TWNK: variants seen among roughly 807,000 people sequenced by gnomAD.
TWNK encodes T7 gp4-like protein with intramitochondrial nucleoid localization.
Under a neutral mutation model 58.2 loss-of-function variants are expected in TWNK, and 36 were observed. The ratio of observed to expected loss-of-function variants is 0.62; its 90% CI spans 0.47 to 0.82. The LOEUF (loss-of-function observed/expected upper bound fraction) is 0.82. Among genes scored for constraint, TWNK ranks in the 40% least tolerant of loss-of-function variants. The pLI, the probability that TWNK is intolerant of heterozygous loss-of-function variation, is 0.00. For synonymous variants in TWNK, 349 were observed against 348.5 expected (o/e 1.00, Z -0.02); for missense variants, 714 against 881.0 (o/e 0.81, Z 2.40).
rs1361679100 is a variant in TWNK at position 100,988,157 on chromosome 10, G to A, written c.-54G>A. On this transcript the variant is annotated 5_prime_UTR_variant, in exon 1 of 5. Transcript: ENST00000311916. This position sits in a 1 kb window ranked among gnomAD's most constrained non-coding sequence, Gnocchi z 5.2. The stretch of plus-strand genomic sequence containing the variant: ...CTAGAGTTTGGTCTAGTGAAGGCAC[G>A]CTAACCAGGCACCTAAGGCATTTCA... 6.2e-7 allele frequency: 1 copy of A among 1,604,674 alleles called. No individual in the cohort carries two copies. The highest frequency in any genetic ancestry group is 1.3e-5 in the African/African-American group (1 of 74,692).
intron 3 of TWNK, 89 bp downstream of exon 3, chr10:100,990,632 C>G: frequency 1.9e-6 from 3 of 1,610,244 alleles, no homozygotes. Flanking sequence ...GGCACACATG[C>G]TGTGCTCTCC....
At chr10:100,990,694 A>C in intron 3 of TWNK, 151 bp downstream of exon 3, 1 of 1,578,356 alleles carries the variant, frequency 6.3e-7, no homozygotes, top group Non-Finnish European at 8.7e-7. Context: ...TATCATATGG[A>C]GGTGTGGGGT....
chr10:100,992,840 G>A (rs1248013857), intron 4 of TWNK, among the ~76,000 whole-genome samples: 4 of 151,750 alleles, frequency 2.6e-5, no homozygotes, highest in Non-Finnish European at 5.9e-5. Context: ...AGGCTGGAGT[G>A]CAGTGGCACA....
Position 100,994,323 on chromosome 10 carries a change from T to C in TWNK, c.*813T>C, listed in dbSNP as rs910280709. 3.3e-5 allele frequency: 5 copies of C among 152,256 alleles called. No homozygotes were observed. The highest frequency in any genetic ancestry group is 7.3e-5 in the Non-Finnish European group (5 of 68,048). The allele number at this position is 152,256 out of a possible 1,614,324, so 9.4% of individuals were successfully genotyped here. ...GCCTGCCACCTAGACACTGATGCCA[T>C]TGTGTGCTGCCTCAAGACTGCTGGA... On this transcript the variant is annotated 3_prime_UTR_variant, in exon 5 of 5. Coordinates refer to ENST00000311916, the MANE Select transcript of TWNK (RefSeq NM_021830.5).
rs1451037596 is a variant in TWNK, at chr10:100,989,442, C to T, written c.1232C>T (p.Thr411Met). The T allele has an allele frequency of 1.9e-6, 3 of 1,613,802 alleles. No homozygotes were observed. The highest frequency in any genetic ancestry group is 2.5e-6 in the Non-Finnish European group (3 of 1,180,040). Residue 411 changes from threonine (T) to methionine (M), a missense_variant, in exon 1 of 5, where the codon ACG becomes ATG. This residue lies in a region of TWNK where 302 missense variants were observed against 438.6 expected (regional missense o/e 0.69). Transcript: ENST00000311916. This position sits in a 1 kb window ranked among gnomAD's most constrained non-coding sequence, Gnocchi z 7.6. ...AAGGGACATCGAAAGGGCGAGCTGA[C>T]GGTCTTCACAGGTAACCCTTTGAGA... ...ILKGHRKGEL[T>M]VFTGPTGSGK...
chr10:100,992,528 T>TAAAAAAA (rs1209775610), intron 4 of TWNK, among the ~76,000 whole-genome samples: 1 of 91,120 alleles, frequency 1.1e-5, no homozygotes, highest in African/African-American at 3.9e-5. Context: ...ACCCTGTCTT[T>TAAAAAAA]AAAAAAAAAA....
intron 4 of TWNK, chr10:100,991,276 T>C: frequency 1.8e-6 from 1 of 540,932 alleles, no homozygotes; most frequent in Non-Finnish European, 3.3e-6. Context: ...GATAAGAGTA[T>C]GATAGGCAGC....
rs770917763 is a variant in TWNK at position 100,989,178 on chromosome 10, G to A, written c.968G>A (p.Arg323Gln). The A allele has an allele frequency of 6.2e-6, 10 of 1,613,302 alleles. No homozygotes were observed. Among genetic ancestry groups the A allele is most frequent in the South Asian group, 2.2e-5 (2 of 91,078 alleles). ...TGGGAAGCCGCCAAGTTGTTTGCAC[G>A]AAAACTGAACCCCAAACGATGCTTC... ...RSWEAAKLFA[R>Q]KLNPKRCFLV... Residue 323 changes from arginine (R) to glutamine (Q), a missense_variant, in exon 1 of 5, where the codon CGA (arginine) becomes CAA (glutamine). By Grantham distance (43) the Arg-to-Gln change is conservative. Around this residue, in one of 3 missense-constraint regions of TWNK, gnomAD observed 302 missense variants for 438.6 expected, o/e 0.69. Transcript: ENST00000311916. This position sits in a 1 kb window ranked among gnomAD's most constrained non-coding sequence, Gnocchi z 7.6.
chr10:100,988,040 A>G lies in TWNK; in HGVS notation c.-171A>G. 1 of 782,090 alleles carries G rather than the reference A, an allele frequency of 1.3e-6. No individual in the cohort carries two copies. Among genetic ancestry groups the G allele is most frequent in the Non-Finnish European group, 2.2e-6 (1 of 458,806 alleles). 48.4% of individuals were successfully genotyped at this position (782,090 alleles called of 1,614,324 possible). A position where few individuals can be genotyped will look rare whatever the true frequency, so the allele number is the denominator to read the frequency against. On this transcript the variant is annotated 5_prime_UTR_variant, in exon 1 of 5. Transcript: ENST00000311916. The surrounding 1 kb of genome is among the most constrained non-coding windows in gnomAD (Gnocchi z 5.2). ...GGTCGTGTAGATGGGCATATGTGTG[A>G]AGCAGCAACGTAGAGGGGCTGAAGA...
At chr10:100,992,462 G>A (rs1330354053) in intron 4 of TWNK, among the ~76,000 whole-genome samples, 4 of 139,536 alleles carry the variant, frequency 2.9e-5, no homozygotes, top group Non-Finnish European at 6.1e-5. Flanking sequence ...TGATCCGTCC[G>A]CCTCGGCCTC....
chr10:100,991,106 C>T (rs748302942), intron 4 of TWNK, 96 bp downstream of exon 4: 132 of 1,573,374 alleles, frequency 8.4e-5, no homozygotes, highest in Non-Finnish European at 1.1e-4. Flanking sequence ...CTTGACTGTC[C>T]ATCCGAACAG....
chr10:100,993,830 C>T lies in TWNK; in HGVS notation c.*320C>T. ...GAAAACCTAGTTTTAGTGAAAAATG[C>T]TGTAAAGAAAATAGAAATGCGATAG... On this transcript the variant is annotated 3_prime_UTR_variant, in exon 5 of 5. Coordinates refer to ENST00000311916, the MANE Select transcript of TWNK (RefSeq NM_021830.5). The T allele has an allele frequency of 2.5e-6, 1 of 407,006 alleles. No homozygotes were observed. The highest frequency in any genetic ancestry group is 4.5e-6 in the Non-Finnish European group (1 of 221,402). 25.2% of individuals were successfully genotyped at this position (407,006 alleles called of 1,614,324 possible).
Position 100,988,910 on chromosome 10 carries a change from G to A in TWNK, c.700G>A (p.Glu234Lys), listed in dbSNP as rs768405067. The stretch of plus-strand genomic sequence containing the variant: ...ATGCCAGGGGGATGGAGTGAGCTAC[G>A]AGGAAACCACTATTCCCCGACCCAG... ...AKCQGDGVSY[E>K]ETTIPRPSAY... is the part of the protein sequence containing the mutation. Residue 234 changes from glutamate to lysine, a missense_variant, in exon 1 of 5, where the codon GAG becomes AAG. Around this residue, in one of 3 missense-constraint regions of TWNK, gnomAD observed 348 missense variants for 388.4 expected, o/e 0.90. Coordinates refer to ENST00000311916, the MANE Select transcript of TWNK (RefSeq NM_021830.5). The surrounding 1 kb of genome is among the most constrained non-coding windows in gnomAD (Gnocchi z 5.2). 6.8e-6 allele frequency: 11 copies of A among 1,614,050 alleles called. No individual in the cohort carries two copies. The Admixed American group carries it at 1.0e-4, about 15-fold the overall frequency.
rs1233044838 is a variant in TWNK, at chr10:100,989,812, A to G, written c.1412A>G (p.Tyr471Cys). Reference protein sequence around the residue: ...EGRLEDQLDKYDHWADRFEDL... With the variant: ...EGRLEDQLDKCDHWADRFEDL... ...CGGCTGGAAGATCAACTGGACAAAT[A>G]TGATCACTGGGCTGACCGCTTTGAG... Residue 471 changes from tyrosine to cysteine, a missense_variant, in exon 2 of 5, where the codon TAT (tyrosine) becomes TGT (cysteine). Tyr to Cys is a radical substitution (Grantham distance 194). This residue lies in a region of TWNK where 302 missense variants were observed against 438.6 expected (regional missense o/e 0.69). Transcript: ENST00000311916. This position sits in a 1 kb window ranked among gnomAD's most constrained non-coding sequence, Gnocchi z 7.6. 2.5e-6 allele frequency: 4 copies of G among 1,614,066 alleles called. No homozygotes were observed. Among genetic ancestry groups the G allele is most frequent in the African/African-American group, 1.3e-5 (1 of 74,910 alleles).
Position 100,988,828 on chromosome 10 carries a change from C to A in TWNK, c.618C>A (p.Phe206Leu), listed in dbSNP as rs1851667889. 1 of 1,614,178 alleles carries A rather than the reference C, an allele frequency of 6.2e-7. No individual in the cohort carries two copies. Among genetic ancestry groups the A allele is most frequent in the East Asian group, 2.2e-5 (1 of 44,892 alleles). ...RYLRPARSLV[F>L]PWFSPGGSGL... ...TGCGACCTGCTCGCAGTCTTGTCTT[C>A]CCTTGGTTCTCCCCTGGGGGCTCAG... The change falls in exon 1 of 5, where the codon TTC becomes TTA. Residue 206 changes from phenylalanine (F) to leucine (L), a missense_variant. Transcript: ENST00000311916. This position sits in a 1 kb window ranked among gnomAD's most constrained non-coding sequence, Gnocchi z 5.2.
At position 100,989,584 on chromosome 10, in the gene TWNK, A is replaced by G. The variant is rs74154251; in HGVS notation, c.1244-60A>G. The G allele has an allele frequency of 1.1e-4, 182 of 1,612,488 alleles. No individual in the cohort carries two copies. The African/African-American group carries it at 2.3e-3, about 20-fold the overall frequency. On this transcript the variant is annotated intron_variant, in intron 1 of 4. Coordinates refer to ENST00000311916, the MANE Select transcript of TWNK (RefSeq NM_021830.5). This position sits in a 1 kb window ranked among gnomAD's most constrained non-coding sequence, Gnocchi z 7.6. ...CCCCCCAGTTTTAAAGCCCTGACCT[A>G]TGTCTTGGTTTCAAGGGTAGGACTT...
At position 100,989,723 on chromosome 10, in the gene TWNK, G is replaced by T; in HGVS notation, c.1323G>T (p.Trp441Cys). The change falls in exon 2 of 5, where the codon TGG (tryptophan) becomes TGT (cysteine). Residue 441 changes from tryptophan to cysteine, a missense_variant. Physicochemically the swap from Trp to Cys is radical, Grantham distance 215. Coordinates refer to ENST00000311916, the MANE Select transcript of TWNK (RefSeq NM_021830.5). This position sits in a 1 kb window ranked among gnomAD's most constrained non-coding sequence, Gnocchi z 7.6. ...GTTCCCAGGGGGTGAACACACTGTGGGGTAGCTTCGAGATCAGCAATGTGA... is the reference window on the plus strand; with the variant it reads ...GTTCCCAGGGGGTGAACACACTGTGTGGTAGCTTCGAGATCAGCAATGTGA... The part of the protein sequence containing the change: ...DLCSQGVNTL[W>C]GSFEISNVRL... 6.2e-7 allele frequency: 1 copy of T among 1,614,202 alleles called. No individual in the cohort carries two copies. Among genetic ancestry groups the T allele is most frequent in the Non-Finnish European group, 8.5e-7 (1 of 1,180,046 alleles).
chr10:100,989,580 A>C lies in TWNK; in HGVS notation c.1244-64A>C. 6.2e-7 allele frequency: 1 copy of C among 1,612,252 alleles called. No individual in the cohort carries two copies. Among genetic ancestry groups the C allele is most frequent in the Non-Finnish European group, 8.5e-7 (1 of 1,179,772 alleles). ...CTTTCCCCCCAGTTTTAAAGCCCTG[A>C]CCTATGTCTTGGTTTCAAGGGTAGG... On this transcript the variant is annotated intron_variant, in intron 1 of 4. Coordinates refer to ENST00000311916, the MANE Select transcript of TWNK (RefSeq NM_021830.5). The surrounding 1 kb of genome is among the most constrained non-coding windows in gnomAD (Gnocchi z 7.6).
Position 100,988,023 on chromosome 10 carries a change from A to G in TWNK, c.-188A>G. On this transcript the variant is annotated 5_prime_UTR_variant, in exon 1 of 5. Coordinates refer to ENST00000311916, the MANE Select transcript of TWNK (RefSeq NM_021830.5). The surrounding 1 kb of genome is among the most constrained non-coding windows in gnomAD (Gnocchi z 5.2). ...GGACGTGGACGCGAAAGGGTCGTGT[A>G]GATGGGCATATGTGTGAAGCAGCAA... is the stretch of plus-strand genomic sequence containing the variant. The G allele has an allele frequency of 1.4e-6, 1 of 699,742 alleles. No homozygotes were observed. Among genetic ancestry groups the G allele is most frequent in the Middle Eastern group, 3.8e-4 (1 of 2,598 alleles). The allele number at this position is 699,742 out of a possible 1,614,324, so 43.3% of individuals were successfully genotyped here.
Sources: allele counts gnomAD v4.1 joint callset (sites outside exome capture counted in the v4.1 genomes callset), GRCh38; gene constraint gnomAD v4.1.1; regional missense constraint gnomAD v4.1.1; non-coding constraint Gnocchi (gnomAD v3.1); transcripts MANE v1.5; gene names NCBI Gene and HGNC (gene_info 2026-07-23, HGNC 2026-07-21).